Variants in TAF4B observed in about 807,000 individuals in gnomAD.
TAF4B encodes TATA-box binding protein associated factor 4b.
TAF4B carries 38 observed loss-of-function variants against 86.4 expected under a neutral mutation model. That is an observed-to-expected ratio of 0.44 (90% CI 0.34 to 0.58). The LOEUF is 0.58. Among genes scored for constraint, TAF4B ranks in the 20% least tolerant of loss-of-function variants. The pLI is 0.02. For synonymous variants in TAF4B, 388 were observed against 391.2 expected, an observed-to-expected ratio of 0.99 and a Z score of 0.10; for missense variants, 988 against 1,027.6, an observed-to-expected ratio of 0.96 and a Z score of 0.53.
At chr18:26,389,531 T>C (rs1213023587) in intron 14 of TAF4B, among the ~76,000 whole-genome samples, 2 of 152,222 alleles carry the variant, frequency 1.3e-5, no homozygotes, top group African/African-American at 4.8e-5. Flanking sequence ...GTGTAAGACC[T>C]TTAAAGAGGG....
At chr18:26,240,497 G>A (rs2055820442) in intron 1 of TAF4B, among the ~76,000 whole-genome samples, 1 of 152,104 alleles carries the variant, frequency 6.6e-6, no homozygotes, top group South Asian at 2.1e-4. Context: ...GAGACAATGG[G>A]GTTTTCTAAA....
At position 26,226,622 on chromosome 18, in the gene TAF4B, A is replaced by G. The variant is rs2055578064; in HGVS notation, c.-312A>G. 2 of 258,628 alleles carry G rather than the reference A, an allele frequency of 7.7e-6. No individual in the cohort carries two copies. The highest frequency in any genetic ancestry group is 1.5e-5 in the Non-Finnish European group (2 of 137,222). 16.0% of individuals were successfully genotyped at this position (258,628 alleles called of 1,614,324 possible). ...GAGCCGCAAGTCCAGGCTCCCCCGC[A>G]GCGGGACCCGAGCCTGAGGCGCAGG... On this transcript the variant is annotated 5_prime_UTR_variant, in exon 1 of 15. Transcript: ENST00000269142.
At chr18:26,365,939 G>A (rs950272049) in intron 14 of TAF4B, among the ~76,000 whole-genome samples, 15 of 152,114 alleles carry the variant, frequency 9.9e-5, no homozygotes, top group Admixed American at 7.9e-4. Flanking sequence ...ACAGGCACAC[G>A]CCACCTCGCC....
chr18:26,334,479 A>G (rs549665081), intron 12 of TAF4B, among the ~76,000 whole-genome samples: 1 of 152,274 alleles, frequency 6.6e-6, no homozygotes, highest in African/African-American at 2.4e-5. Context: ...ACAGATATTC[A>G]TGGTGTCAGA....
At chr18:26,227,600 T>G (rs1313550084) in intron 1 of TAF4B, among the ~76,000 whole-genome samples, 1 of 152,214 alleles carries the variant, frequency 6.6e-6, no homozygotes, top group Non-Finnish European at 1.5e-5. Flanking sequence ...TACCGTGGAT[T>G]TCCATACGCT....
chr18:26,276,384 G>A (rs1039738040), intron 5 of TAF4B, among the ~76,000 whole-genome samples: 3 of 152,038 alleles, frequency 2.0e-5, no homozygotes, highest in Non-Finnish European at 4.4e-5. Flanking sequence ...GACATGCTGA[G>A]GATATAACAA....
intron 9 of TAF4B, among the ~76,000 whole-genome samples, chr18:26,309,515 C>G (rs991372058): frequency 6.6e-6 from 1 of 151,792 alleles, no homozygotes; most frequent in Non-Finnish European, 1.5e-5. Flanking sequence ...AGTAACAGAT[C>G]CCATTCAAAA....
intron 2 of TAF4B, 82 bp from the exon 3 acceptor site, chr18:26,267,434 T>A: frequency 1.1e-6 from 1 of 871,792 alleles, no homozygotes; most frequent in South Asian, 1.4e-5. Context: ...TGTCATAAAG[T>A]GTTCTAATGT....
chr18:26,265,146 C>CT (rs755923323), intron 1 of TAF4B, 24 bp from the exon 2 acceptor site: 26 of 1,598,920 alleles, frequency 1.6e-5, no homozygotes, highest in Middle Eastern at 3.3e-4. Context: ...TCAGAGGTCA[C>CT]TTTTTTTTCT....
At chr18:26,251,510 AATAT>A (rs745338281) in intron 1 of TAF4B, among the ~76,000 whole-genome samples, 3 of 152,170 alleles carry the variant, frequency 2.0e-5, no homozygotes, top group African/African-American at 4.8e-5. Flanking sequence ...TGAAGGGTAG[AATAT>A]GTAAATCATG....
At chr18:26,373,628 A>C (rs1002752762) in intron 14 of TAF4B, among the ~76,000 whole-genome samples, 1 of 152,220 alleles carries the variant, frequency 6.6e-6, no homozygotes, top group African/African-American at 2.4e-5. Context: ...CATCTCATCA[A>C]TACTGGATAT....
chr18:26,333,634 C>G (rs896682911), intron 12 of TAF4B, among the ~76,000 whole-genome samples: 1 of 152,140 alleles, frequency 6.6e-6, no homozygotes, highest in Admixed American at 6.5e-5. Context: ...AATAATTCTC[C>G]CACCTTGGCC....
At chr18:26,336,685 G>A (rs1001899990) in intron 13 of TAF4B, among the ~76,000 whole-genome samples, 5 of 152,182 alleles carry the variant, frequency 3.3e-5, no homozygotes, top group African/African-American at 9.7e-5. Flanking sequence ...AACCTGGCAT[G>A]AGGATAGATT....
chr18:26,250,788 A>AG (rs1182905826), intron 1 of TAF4B, among the ~76,000 whole-genome samples: 2 of 152,242 alleles, frequency 1.3e-5, no homozygotes, highest in Non-Finnish European at 2.9e-5. Context: ...AAAAGAAGAA[A>AG]GTAAACATCA....
chr18:26,238,372 A>G (rs2055782077), intron 1 of TAF4B, among the ~76,000 whole-genome samples: 1 of 152,082 alleles, frequency 6.6e-6, no homozygotes, highest in Non-Finnish European at 1.5e-5. Context: ...TAGGAAGGAT[A>G]TAATTTCTGA....
intron 13 of TAF4B, among the ~76,000 whole-genome samples, chr18:26,347,017 T>C (rs540783740): frequency 6.8e-6 from 1 of 146,418 alleles, no homozygotes; most frequent in South Asian, 2.3e-4. Flanking sequence ...GCCTCCTGGG[T>C]TCATGCCATT....
intron 13 of TAF4B, among the ~76,000 whole-genome samples, chr18:26,341,297 T>C (rs2057133131): frequency 6.6e-6 from 1 of 152,124 alleles, no homozygotes; most frequent in Admixed American, 6.5e-5. Flanking sequence ...CAGTAGTTTA[T>C]AAACACTAAC....
intron 9 of TAF4B, among the ~76,000 whole-genome samples, chr18:26,309,628 GTTAT>G (rs1431231255): frequency 6.6e-6 from 1 of 151,960 alleles, no homozygotes; most frequent in East Asian, 1.9e-4. Context: ...GTTAAAGTAT[GTTAT>G]TTATGGTAAT....
chr18:26,357,625 A>C (rs974411906), intron 13 of TAF4B, 65 bp from the exon 14 acceptor site: 1 of 1,084,132 alleles, frequency 9.2e-7, no homozygotes, highest in African/African-American at 1.6e-5. Context: ...CTTAGTAATC[A>C]GTTTCTTTTT....
Sources: allele counts gnomAD v4.1 joint callset (sites outside exome capture counted in the v4.1 genomes callset), GRCh38; gene constraint gnomAD v4.1.1; transcripts MANE v1.5; gene names NCBI Gene and HGNC (gene_info 2026-07-23, HGNC 2026-07-21).